Variants in LRRC37A2 observed in about 807,000 individuals in gnomAD.
LRRC37A2 encodes leucine-rich repeat-containing protein 37A2.
In LRRC37A2, 9 loss-of-function variants were observed where a neutral mutation model predicts 68.8. The ratio of observed to expected loss-of-function variants is 0.13; its 90% CI spans 0.08 to 0.23. The LOEUF (loss-of-function observed/expected upper bound fraction) is 0.23. Ranked by LOEUF, LRRC37A2 falls within the 10% of genes least tolerant of loss-of-function variation. The pLI, the probability that LRRC37A2 is intolerant of heterozygous loss-of-function variation, is 1.00. For missense variants in LRRC37A2, 168 were observed against 950.4 expected, an observed-to-expected ratio of 0.18 and a Z score of 10.82; for synonymous variants, 63 against 367.6, an observed-to-expected ratio of 0.17 and a Z score of 9.48.
At chr17:46,990,557 A>G in the LRRC37A2 span, among the ~76,000 whole-genome samples, 2 of 152,246 alleles carry the variant, frequency 1.3e-5, no homozygotes, top group African/African-American at 2.4e-5. Flanking sequence ...ACCAGTGTCC[A>G]GGGCATTCAC....
the LRRC37A2 span, among the ~76,000 whole-genome samples, chr17:46,965,408 G>A: frequency 3.9e-5 from 6 of 152,194 alleles, no homozygotes; most frequent in African/African-American, 1.2e-4. Flanking sequence ...TATGACTTCT[G>A]TGGCACCCCA....
the LRRC37A2 span, among the ~76,000 whole-genome samples, chr17:46,895,133 G>A: frequency 1.4e-4 from 21 of 152,308 alleles, no homozygotes; most frequent in African/African-American, 4.6e-4. Context: ...CCCTCCCAGC[G>A]CCCGGCTGAG....
chr17:46,984,688 A>C, the LRRC37A2 span, among the ~76,000 whole-genome samples: 3 of 152,206 alleles, frequency 2.0e-5, no homozygotes. Context: ...CCAGATCTCA[A>C]GGTTAATAAA....
the LRRC37A2 span, among the ~76,000 whole-genome samples, chr17:46,890,199 G>T: frequency 6.6e-6 from 1 of 152,182 alleles, no homozygotes; most frequent in Admixed American, 6.5e-5. Context: ...TAATCATGCT[G>T]CTGTCAGTTC....
the LRRC37A2 span, among the ~76,000 whole-genome samples, chr17:46,899,693 T>C: frequency 6.6e-6 from 1 of 152,174 alleles, no homozygotes; most frequent in Non-Finnish European, 1.5e-5. Context: ...TTACTGGTGA[T>C]GGTTGCACAA....
chr17:46,544,415 T>C (rs1466696570), intron 8 of LRRC37A2, among the ~76,000 whole-genome samples: 177 of 656 alleles, frequency 0.27, no homozygotes, highest in Admixed American at 0.37. Context: ...AGCCATCCTT[T>C]TGGAGGACTC....
the LRRC37A2 span, among the ~76,000 whole-genome samples, chr17:46,721,262 A>G: frequency 6.6e-6 from 1 of 152,208 alleles, no homozygotes; most frequent in East Asian, 1.9e-4. Flanking sequence ...TAATATGACA[A>G]TCTCATTATG....
chr17:46,534,902 G>A (rs563319509), intron 6 of LRRC37A2, among the ~76,000 whole-genome samples: 1 of 149,354 alleles, frequency 6.7e-6, no homozygotes, highest in Non-Finnish European at 1.5e-5. Flanking sequence ...GCGGCTGCTG[G>A]GCGGAGGGGC....
At chr17:47,032,459 T>C in the LRRC37A2 span, among the ~76,000 whole-genome samples, 1 of 152,344 alleles carries the variant, frequency 6.6e-6, no homozygotes, top group South Asian at 2.1e-4. Flanking sequence ...GCAAGTAATT[T>C]TCAATGCAGC....
the LRRC37A2 span, among the ~76,000 whole-genome samples, chr17:46,890,530 C>G: frequency 5.9e-5 from 9 of 152,298 alleles, no homozygotes; most frequent in South Asian, 1.7e-3. Context: ...GACAGCACTG[C>G]TCTGGGACCA....
chr17:47,038,555 A>G, the LRRC37A2 span, among the ~76,000 whole-genome samples: 1 of 150,372 alleles, frequency 6.7e-6, no homozygotes, highest in Non-Finnish European at 1.5e-5. Context: ...CTTTGTTTCA[A>G]TGGTATACAA....
chr17:47,036,050 G>A, the LRRC37A2 span, among the ~76,000 whole-genome samples: 2 of 152,034 alleles, frequency 1.3e-5, no homozygotes, highest in Non-Finnish European at 1.5e-5. Context: ...TATATCTTCT[G>A]GATACTCTGG....
At chr17:46,993,431 C>A in the LRRC37A2 span, among the ~76,000 whole-genome samples, 40 of 152,384 alleles carry the variant, frequency 2.6e-4, no homozygotes, top group African/African-American at 8.9e-4. Flanking sequence ...TAGTGTCTGG[C>A]ACATAGGAGG....
chr17:46,947,397 C>A, the LRRC37A2 span, among the ~76,000 whole-genome samples: 1 of 152,136 alleles, frequency 6.6e-6, no homozygotes, highest in Non-Finnish European at 1.5e-5. Flanking sequence ...ACCAACCAGG[C>A]GGAGGCAGGG....
At chr17:46,708,819 TA>T in the LRRC37A2 span, among the ~76,000 whole-genome samples, 7 of 109,342 alleles carry the variant, frequency 6.4e-5, no homozygotes, top group African/African-American at 1.8e-4. Context: ...TATATATATA[TA>T]TATTTTTTTT....
the LRRC37A2 span, among the ~76,000 whole-genome samples, chr17:47,036,820 C>T: frequency 6.7e-6 from 1 of 149,700 alleles, no homozygotes; most frequent in Non-Finnish European, 1.5e-5. Flanking sequence ...ATTTAGGGTG[C>T]CTTAAATTGC....
the LRRC37A2 span, chr17:46,768,506 G>A: frequency 6.2e-7 from 1 of 1,614,178 alleles, no homozygotes; most frequent in Non-Finnish European, 8.5e-7. This position sits in a 1 kb window ranked among gnomAD's most constrained non-coding sequence, Gnocchi z 5.0. Context: ...GGTCCCTTGT[G>A]CCAAAGGAAC....
At chr17:46,822,158 G>A in the LRRC37A2 span, among the ~76,000 whole-genome samples, 6 of 152,332 alleles carry the variant, frequency 3.9e-5, no homozygotes, top group East Asian at 1.2e-3. Context: ...GCACATAGGG[G>A]GCTCCAAGGC....
the LRRC37A2 span, chr17:46,710,832 T>G: frequency 2.6e-6 from 2 of 767,824 alleles, no homozygotes. Flanking sequence ...GTTGTTTTGC[T>G]TTCCAGGCTT....
Sources: gnomAD v4.1 joint callset for allele counts (sites outside exome capture counted in the v4.1 genomes callset) on GRCh38, gnomAD v4.1.1 for gene constraint, Gnocchi (gnomAD v3.1) non-coding constraint, MANE v1.5 for transcripts, NCBI Gene and HGNC (gene_info 2026-07-23, HGNC 2026-07-21) for gene names.